Variants in MAMLD1 observed in about 807,000 individuals in gnomAD.
The protein encoded by MAMLD1 is mastermind-like domain-containing protein 1.
Under a neutral mutation model 45.0 loss-of-function variants are expected in MAMLD1, and 14 were observed. The observed-to-expected ratio is 0.31, with a 90% confidence interval of 0.21 to 0.49. MAMLD1 has a LOEUF of 0.49. Ranked by LOEUF, MAMLD1 falls within the 20% of genes least tolerant of loss-of-function variation. MAMLD1 has a pLI of 0.99. For synonymous variants in MAMLD1, 254 were observed against 247.8 expected, an observed-to-expected ratio of 1.02 and a Z score of -0.24; for missense variants, 543 against 603.6, an observed-to-expected ratio of 0.90 and a Z score of 1.05.
At chrX:150,430,019 C>CTTT (rs1174092962) in intron 1 of MAMLD1, among the ~76,000 whole-genome samples, 1,316 of 49,154 alleles carry the variant, frequency 0.027, 185 homozygotes, top group African/African-American at 0.04. Context: ...TCTTTCTTTT[C>CTTT]TTTTTTTTTT....
chrX:150,486,067 C>G (rs1325072567), intron 5 of MAMLD1, among the ~76,000 whole-genome samples: 1 of 112,048 alleles, frequency 8.9e-6, no homozygotes, highest in Admixed American at 9.4e-5. Context: ...AGGGGACTTA[C>G]TGATTCCTGA....
chrX:150,504,792 A>G (rs1332819124), intron 6 of MAMLD1: 1 of 751,553 alleles, frequency 1.3e-6, no homozygotes, highest in Non-Finnish European at 1.6e-6. Flanking sequence ...TGTGGCCCCA[A>G]ATCTTCTCTA....
intron 1 of MAMLD1, among the ~76,000 whole-genome samples, chrX:150,441,157 G>T (rs1281865060): frequency 4.7e-5 from 5 of 107,384 alleles, no homozygotes; most frequent in Admixed American, 2.1e-4. Flanking sequence ...GGTACTTGGG[G>T]TGTCCATTAT....
intron 2 of MAMLD1, among the ~76,000 whole-genome samples, chrX:150,457,379 C>T (rs1482749727): frequency 8.9e-6 from 1 of 112,074 alleles, no homozygotes; most frequent in African/African-American, 3.3e-5. Flanking sequence ...ATGCAAGTTT[C>T]CAAGAAGACC....
At chrX:150,398,258 A>G (rs369404423) in intron 1 of MAMLD1, among the ~76,000 whole-genome samples, 12 of 24,576 alleles carry the variant, frequency 4.9e-4, no homozygotes, top group South Asian at 3.5e-3. Context: ...GAAGGAGAAG[A>G]AGAAGAAGAA....
In MAMLD1 at chrX:150,470,632, G is replaced by GCCA; in HGVS notation, c.1071_1073dup (p.Pro359dup). 3 of 1,211,358 alleles carry GCCA rather than the reference G, an allele frequency of 2.5e-6. No homozygotes were observed. The highest frequency in any genetic ancestry group is 1.8e-5 in the South Asian group (1 of 56,998). ...CACCACACCCACCACCGCTGCCACT[G>GCCA]CCACCACCACCACCCCCATTCAGCC... On this transcript the variant is annotated inframe_insertion, in exon 4 of 8. Transcript: ENST00000370401.
At chrX:150,502,369 A>T (rs1557408577) in intron 5 of MAMLD1, among the ~76,000 whole-genome samples, 1 of 112,329 alleles carries the variant, frequency 8.9e-6, no homozygotes, top group African/African-American at 3.2e-5. Flanking sequence ...TGTAGAAAGA[A>T]GAGCAACTTC....
chrX:150,479,592 T>C (rs1242134300), intron 5 of MAMLD1, among the ~76,000 whole-genome samples: 1 of 112,313 alleles, frequency 8.9e-6, no homozygotes, highest in Non-Finnish European at 1.9e-5. Context: ...TAAGACAACC[T>C]ACTTATTTGT....
intron 1 of MAMLD1, among the ~76,000 whole-genome samples, chrX:150,404,867 T>G (rs1437737700): frequency 2.7e-5 from 3 of 112,418 alleles, no homozygotes; most frequent in African/African-American, 9.7e-5. Context: ...TTTCTACAAA[T>G]TACTGAATAG....
Position 150,470,536 on chromosome X carries a change from G to A in MAMLD1, c.963G>A (p.Gln321=), listed in dbSNP as rs1557406329. The change falls in exon 4 of 8, where the codon CAG becomes CAA. Residue 321 remains glutamine, a synonymous_variant. Coordinates refer to ENST00000370401, the MANE Select transcript of MAMLD1 (RefSeq NM_005491.5). ...AASKQGSATK[Q]QGPTPSWSGL... ...GCAAGCAGGGGTCTGCTACAAAGCA[G>A]CAAGGGCCCACCCCCAGTTGGTCTG... The A allele has an allele frequency of 8.3e-7, 1 of 1,211,694 alleles. No homozygotes were observed. Among genetic ancestry groups the A allele is most frequent in the Admixed American group, 2.2e-5 (1 of 46,079 alleles).
chrX:150,448,050 A>T (rs2035548593), intron 2 of MAMLD1, among the ~76,000 whole-genome samples: 1 of 112,182 alleles, frequency 8.9e-6, no homozygotes. Flanking sequence ...CAGTCCTTGA[A>T]TTTACATGGA....
intron 4 of MAMLD1, among the ~76,000 whole-genome samples, chrX:150,472,322 C>T (rs2036454030): frequency 8.9e-6 from 1 of 112,357 alleles, no homozygotes; most frequent in Admixed American, 9.4e-5. Context: ...TTACCCCAAG[C>T]ACCAGCTTCG....
chrX:150,382,555 G>A (rs1476521600), intron 1 of MAMLD1, among the ~76,000 whole-genome samples: 1 of 111,389 alleles, frequency 9.0e-6, no homozygotes, highest in African/African-American at 3.3e-5. Flanking sequence ...TAAACCTACA[G>A]GTCAATTCAA....
intron 1 of MAMLD1, among the ~76,000 whole-genome samples, chrX:150,405,067 G>C (rs143812559): frequency 8.9e-6 from 1 of 112,074 alleles, no homozygotes; most frequent in Non-Finnish European, 1.9e-5. Context: ...GGGTTATATG[G>C]TGTACGTTTA....
At chrX:150,387,714 G>C (rs1266559362) in intron 1 of MAMLD1, among the ~76,000 whole-genome samples, 1 of 111,531 alleles carries the variant, frequency 9.0e-6, no homozygotes, top group Non-Finnish European at 1.9e-5. Context: ...TTTGTTCCTA[G>C]CTTTCTGAGA....
rs371260766 is a variant in MAMLD1 at position 150,497,099 on chromosome X, G to A, written c.2041-6175G>A. 2.2e-4 allele frequency among the ~76,000 whole-genome samples: 24 copies of A among 111,281 alleles called. No individual in the cohort carries two copies. In the East Asian group the frequency reaches 4.2e-3, roughly 20 times the overall value. On this transcript the variant is annotated intron_variant, in intron 5 of 7. Transcript: ENST00000370401. ...GAAATGTTAAAGTTAAATTATATACGTTTGTGGAGGAAAAACTCCAGGAAA... is the reference window on the plus strand; with the variant it reads ...GAAATGTTAAAGTTAAATTATATACATTTGTGGAGGAAAAACTCCAGGAAA...
At chrX:150,445,675 A>T in intron 2 of MAMLD1, 63 bp downstream of exon 2, 1 of 867,345 alleles carries the variant, frequency 1.2e-6, no homozygotes, top group Non-Finnish European at 1.7e-6. Flanking sequence ...ACTTGAACGT[A>T]AGATGTGTTA....
intron 1 of MAMLD1, among the ~76,000 whole-genome samples, chrX:150,399,985 G>T (rs2033680253): frequency 8.9e-6 from 1 of 111,888 alleles, no homozygotes; most frequent in Admixed American, 9.5e-5. Context: ...GACCCAGCCT[G>T]CCCTGTTTTC....
intron 3 of MAMLD1, among the ~76,000 whole-genome samples, chrX:150,464,776 G>A (rs1215088635): frequency 9.0e-6 from 1 of 111,638 alleles, no homozygotes. Flanking sequence ...GGCCATCCTT[G>A]TCCTCAGAGG....
Sources: gnomAD v4.1 joint callset for allele counts (sites outside exome capture counted in the v4.1 genomes callset) on GRCh38, gnomAD v4.1.1 for gene constraint, MANE v1.5 for transcripts, NCBI Gene and HGNC (gene_info 2026-07-23, HGNC 2026-07-21) for gene names.